SAMD4A: variants seen among roughly 807,000 people sequenced by gnomAD.
SAMD4A encodes the protein protein Smaug homolog 1.
A neutral mutation model predicts 81.3 loss-of-function variants in SAMD4A; 33 were observed. That is an observed-to-expected ratio of 0.41 (90% CI 0.31 to 0.54). SAMD4A has a LOEUF of 0.54. Ranked by LOEUF, SAMD4A falls within the 20% of genes least tolerant of loss-of-function variation. The pLI is 0.37. For synonymous variants in SAMD4A, 389 were observed against 382.1 expected, an observed-to-expected ratio of 1.02 and a Z score of -0.21; for missense variants, 854 against 951.1, an observed-to-expected ratio of 0.90 and a Z score of 1.34.
At chr14:54,690,510 A>G (rs2036405894) in intron 2 of SAMD4A, among the ~76,000 whole-genome samples, 1 of 151,872 alleles carries the variant, frequency 6.6e-6, no homozygotes. Context: ...TCTACTCCTT[A>G]CAGTGTTGCC....
rs557640033 is a variant in SAMD4A, at chr14:54,775,242, T to C, written c.1917+107T>C. ...TGGGGAGAGAGGCCAAAGGGGACTATGCTGGGGGCAGTTGCCACCATTCCT... is the reference window on the plus strand; with the variant it reads ...TGGGGAGAGAGGCCAAAGGGGACTACGCTGGGGGCAGTTGCCACCATTCCT... On this transcript the variant is annotated intron_variant, in intron 10 of 12. Coordinates refer to ENST00000554335, the MANE Select transcript of SAMD4A (RefSeq NM_015589.6). The C allele has an allele frequency of 2.8e-5, 35 of 1,243,086 alleles. No individual in the cohort carries two copies. In the African/African-American group the frequency reaches 3.4e-4, roughly 12 times the overall value. 77.0% of individuals were successfully genotyped at this position (1,243,086 alleles called of 1,614,324 possible).
chr14:54,748,310 A>T (rs750225025), intron 4 of SAMD4A, among the ~76,000 whole-genome samples: 25 of 152,326 alleles, frequency 1.6e-4, no homozygotes, highest in Non-Finnish European at 2.8e-4. Context: ...TGGCTGAAAC[A>T]GTGTGTGAAA....
chr14:54,685,534 T>G, intron 2 of SAMD4A: 3 of 367,312 alleles, frequency 8.2e-6, no homozygotes, highest in South Asian at 6.1e-5. Flanking sequence ...TTCCACCTTA[T>G]GACTTGTGAA....
intron 3 of SAMD4A, 73 bp from the exon 4 acceptor site, chr14:54,736,951 G>A: frequency 5.9e-6 from 9 of 1,527,240 alleles, no homozygotes; most frequent in South Asian, 4.5e-5. Flanking sequence ...AGGGTTAAGA[G>A]GTATTGTGGG....
chr14:54,751,526 T>C lies in SAMD4A; in HGVS notation c.1165T>C (p.Ser389Pro). The change falls in exon 6 of 13, where the codon TCT (serine) becomes CCT (proline). Residue 389 changes from serine (S) to proline (P), a missense_variant. Physicochemically the swap from Ser to Pro is moderately conservative, Grantham distance 74. Around this residue, in one of 3 missense-constraint regions of SAMD4A, gnomAD observed 428 missense variants for 471.2 expected, o/e 0.91. Transcript: ENST00000554335. Reference protein sequence around the residue: ...KLKERQNLLKSLERDIIEGGS... With the variant: ...KLKERQNLLKPLERDIIEGGS... ...CAAAGAAAGACAAAATCTCCTGAAG[T>C]CTTTGGAAAGGGTAAGTTATCGGAT... is the stretch of plus-strand genomic sequence containing the variant. The C allele has an allele frequency of 6.2e-7, 1 of 1,601,272 alleles. No homozygotes were observed. The highest frequency in any genetic ancestry group is 8.5e-7 in the Non-Finnish European group (1 of 1,170,044).
intron 5 of SAMD4A, among the ~76,000 whole-genome samples, chr14:54,750,209 A>G (rs554504781): frequency 7.3e-4 from 111 of 152,340 alleles, no homozygotes; most frequent in South Asian, 1.2e-3. Context: ...AGAGGCCAGC[A>G]CAACCTTTTC....
chr14:54,783,157 T>TA (rs368455274), intron 11 of SAMD4A, among the ~76,000 whole-genome samples: 28,912 of 140,316 alleles, frequency 0.21, 3,269 homozygotes, highest in Non-Finnish European at 0.27. Context: ...CACAAAACTT[T>TA]AAAAAAAAAA....
intron 2 of SAMD4A, among the ~76,000 whole-genome samples, chr14:54,591,529 T>G (rs866268857): frequency 1.1e-3 from 37 of 33,944 alleles, no homozygotes; most frequent in African/African-American, 7.5e-3. Flanking sequence ...TGTATTTTGT[T>G]TTTTTTTTTT....
At chr14:54,642,763 G>A (rs1331347902) in intron 2 of SAMD4A, among the ~76,000 whole-genome samples, 2 of 152,236 alleles carry the variant, frequency 1.3e-5, no homozygotes, top group Admixed American at 6.5e-5. Context: ...AGAGAAAAGC[G>A]TTCTTAGTCA....
intron 5 of SAMD4A, among the ~76,000 whole-genome samples, chr14:54,750,978 A>G (rs2038087738): frequency 1.3e-5 from 2 of 152,226 alleles, no homozygotes; most frequent in African/African-American, 2.4e-5. Flanking sequence ...AATTAAGAAG[A>G]TGGCTGGGTG....
intron 3 of SAMD4A, among the ~76,000 whole-genome samples, chr14:54,713,211 T>C (rs2037034864): frequency 6.6e-6 from 1 of 152,254 alleles, no homozygotes; most frequent in East Asian, 1.9e-4. Flanking sequence ...TTTCAAAAAA[T>C]TAAACCTTTG....
At chr14:54,688,227 T>C in intron 2 of SAMD4A, 1 of 985,446 alleles carries the variant, frequency 1.0e-6, no homozygotes, top group Non-Finnish European at 1.2e-6. Flanking sequence ...ACTGCATGTC[T>C]TGTGGGTTCA....
In SAMD4A at chr14:54,702,565, A is replaced by G; in HGVS notation, c.700A>G (p.Thr234Ala). Residue 234 changes from threonine to alanine, a missense_variant, in exon 3 of 13, where the codon ACC (threonine) becomes GCC (alanine). Transcript: ENST00000554335. ...CCCCACCACAATCAATACGATTGGAACCAGCACAAGTACAAGTAAGTTCCC... is the reference window on the plus strand; with the variant it reads ...CCCCACCACAATCAATACGATTGGAGCCAGCACAAGTACAAGTAAGTTCCC... ...SVPTTINTIG[T>A]STSTILSGQA... The G allele has an allele frequency of 1.9e-6, 3 of 1,613,934 alleles. No homozygotes were observed. The highest frequency in any genetic ancestry group is 2.5e-6 in the Non-Finnish European group (3 of 1,179,940).
At chr14:54,649,201 C>T (rs535934191) in intron 2 of SAMD4A, among the ~76,000 whole-genome samples, 1 of 152,102 alleles carries the variant, frequency 6.6e-6, no homozygotes, top group Non-Finnish European at 1.5e-5. Flanking sequence ...AACATGTGAT[C>T]CTGGAGCTGT....
At chr14:54,745,840 C>A (rs966331013) in intron 4 of SAMD4A, among the ~76,000 whole-genome samples, 4 of 152,210 alleles carry the variant, frequency 2.6e-5, no homozygotes, top group African/African-American at 9.7e-5. Context: ...AATCACATAT[C>A]AGCTTCTGCA....
intron 2 of SAMD4A, among the ~76,000 whole-genome samples, chr14:54,588,241 A>G (rs954535543): frequency 3.3e-5 from 5 of 151,656 alleles, no homozygotes; most frequent in Admixed American, 6.6e-5. Flanking sequence ...CTCCTGTTTC[A>G]TTTCTAATTG....
intron 3 of SAMD4A, among the ~76,000 whole-genome samples, chr14:54,713,243 G>A (rs1029916144): frequency 1.3e-5 from 2 of 152,122 alleles, no homozygotes; most frequent in East Asian, 1.9e-4. Flanking sequence ...CTTAGGTACC[G>A]AGGTGAGGGT....
intron 3 of SAMD4A, among the ~76,000 whole-genome samples, chr14:54,731,561 G>A (rs929765119): frequency 6.6e-6 from 1 of 152,120 alleles, no homozygotes; most frequent in Non-Finnish European, 1.5e-5. Context: ...CCCCTAAATT[G>A]CTATGACTTA....
At chr14:54,707,020 C>T (rs905865420) in intron 3 of SAMD4A, among the ~76,000 whole-genome samples, 5 of 151,062 alleles carry the variant, frequency 3.3e-5, no homozygotes, top group African/African-American at 9.8e-5. Flanking sequence ...GATAGGAGCA[C>T]GTATGGAGCA....
Sources: gnomAD v4.1 joint callset for allele counts (sites outside exome capture counted in the v4.1 genomes callset) on GRCh38, gnomAD v4.1.1 for gene constraint, gnomAD v4.1.1 regional missense constraint, MANE v1.5 for transcripts, NCBI Gene and HGNC (gene_info 2026-07-23, HGNC 2026-07-21) for gene names.